OPA3: variants seen among roughly 807,000 people sequenced by gnomAD.
The protein encoded by OPA3 is optic atrophy 3 protein.
A neutral mutation model predicts 4.0 loss-of-function variants in OPA3; 6 were observed. The observed-to-expected ratio is 1.51, with a 90% CI of 0.83 to 2.99. The LOEUF is 2.99. Among genes scored for constraint, OPA3 ranks in the 30% most tolerant of loss-of-function variants. The pLI, the probability that OPA3 is intolerant of heterozygous loss-of-function variation, is 0.00. For synonymous variants in OPA3, 105 were observed against 117.1 expected (o/e 0.90, Z 0.67); for missense variants, 235 against 256.2 (o/e 0.92, Z 0.56).
chr19:45,545,691 A>G (rs1208389073), downstream of OPA3, among the ~76,000 whole-genome samples: 2 of 150,062 alleles, frequency 1.3e-5, no homozygotes, highest in Non-Finnish European at 3.0e-5. Flanking sequence ...TAATACATAC[A>G]TCATATGTAC....
intron 1 of OPA3, among the ~76,000 whole-genome samples, chr19:45,531,420 C>G (rs1312927047): frequency 6.6e-6 from 1 of 152,058 alleles, no homozygotes; most frequent in Non-Finnish European, 1.5e-5. Context: ...ACCATGGGAC[C>G]AAGATCATCC....
rs1969274585 is a variant in OPA3 at position 45,547,895 on chromosome 19, C to T, written c.*5619G>A. 1 of 153,576 alleles carries T rather than the reference C, an allele frequency of 6.5e-6. No homozygotes were observed. Among genetic ancestry groups the T allele is most frequent in the Non-Finnish European group, 1.4e-5 (1 of 69,340 alleles). 9.5% of individuals were successfully genotyped at this position (153,576 alleles called of 1,614,324 possible). Reference sequence around the variant, plus strand: ...TATTTTTAGTAGAGATGGGGTTTCTCCATGTCGGTCAGGCTGGTCTCGAAC... The same window carrying T: ...TATTTTTAGTAGAGATGGGGTTTCTTCATGTCGGTCAGGCTGGTCTCGAAC... On this transcript the variant is annotated 3_prime_UTR_variant, in exon 2 of 2. Coordinates refer to ENST00000263275, the MANE Select transcript of OPA3 (RefSeq NM_025136.4).
Position 45,551,643 on chromosome 19 carries a change from T to C in OPA3, c.*1871A>G. 1 of 906,868 alleles carries C rather than the reference T, an allele frequency of 1.1e-6. No homozygotes were observed. The highest frequency in any genetic ancestry group is 5.1e-5 in the South Asian group (1 of 19,766). 56.2% of individuals were successfully genotyped at this position (906,868 alleles called of 1,614,324 possible). A position where few individuals can be genotyped will look rare whatever the true frequency, so the allele number is the denominator to read the frequency against. On this transcript the variant is annotated 3_prime_UTR_variant, in exon 2 of 2. Coordinates refer to ENST00000263275, the MANE Select transcript of OPA3 (RefSeq NM_025136.4). The stretch of plus-strand genomic sequence containing the variant: ...TTAAATTCCTGTTGGACTTAAGCCA[T>C]CAAGTTCACCACCCAATGGTGATCT...
downstream of OPA3, among the ~76,000 whole-genome samples, chr19:45,542,655 C>T (rs929419729): frequency 7.3e-6 from 1 of 137,416 alleles, no homozygotes; most frequent in African/African-American, 2.7e-5. Flanking sequence ...CAGTACTTCA[C>T]TGTTTTTTTG....
At chr19:45,571,206 C>T (rs896959682) in intron 1 of OPA3, among the ~76,000 whole-genome samples, 2 of 151,912 alleles carry the variant, frequency 1.3e-5, no homozygotes, top group South Asian at 2.1e-4. Flanking sequence ...TGCAATGGTG[C>T]GATCTTGGCA....
At chr19:45,578,758 C>A (rs965813241) in intron 1 of OPA3, among the ~76,000 whole-genome samples, 1 of 152,102 alleles carries the variant, frequency 6.6e-6, no homozygotes, top group Non-Finnish European at 1.5e-5. Context: ...ACCCGGGAGG[C>A]GGAAGTTGTG....
chr19:45,567,802 T>C (rs1254786736), intron 1 of OPA3, among the ~76,000 whole-genome samples: 2 of 152,186 alleles, frequency 1.3e-5, no homozygotes, highest in African/African-American at 2.4e-5. Context: ...TCCTCACTCA[T>C]AAAACCAGGA....
chr19:45,576,791 A>T (rs1969775845), intron 1 of OPA3, among the ~76,000 whole-genome samples: 2 of 152,104 alleles, frequency 1.3e-5, no homozygotes, highest in South Asian at 4.1e-4. Flanking sequence ...GATCACACTG[A>T]CCTGACCTGC....
chr19:45,558,703 T>C (rs1467224478), intron 1 of OPA3, among the ~76,000 whole-genome samples: 3 of 152,060 alleles, frequency 2.0e-5, no homozygotes, highest in Non-Finnish European at 2.9e-5. Flanking sequence ...ATGCAGTTTT[T>C]ATTATTCTAT....
In OPA3 at chr19:45,584,695, C is replaced by G; in HGVS notation, c.70G>C (p.Ala24Pro). ...CGGGCGGCCTCCTTAATACGGTTGGCAAGCGGCTTGCTGACCTGCCGGATG... is the reference window on the plus strand; with the variant it reads ...CGGGCGGCCTCCTTAATACGGTTGGGAAGCGGCTTGCTGACCTGCCGGATG... ...LGIRQVSKPL[A>P]NRIKEAARRS... is the part of the protein sequence containing the mutation. The change falls in exon 1 of 2, where the codon GCC becomes CCC. Residue 24 changes from alanine (A) to proline (P), a missense_variant. Ala to Pro is a conservative substitution (Grantham distance 27, BLOSUM62 -1). Coordinates refer to ENST00000263275, the MANE Select transcript of OPA3 (RefSeq NM_025136.4). The G allele has an allele frequency of 6.2e-7, 1 of 1,614,192 alleles. No individual in the cohort carries two copies. The highest frequency in any genetic ancestry group is 8.5e-7 in the Non-Finnish European group (1 of 1,180,044).
chr19:45,559,166 G>T (rs1034432223), intron 1 of OPA3, among the ~76,000 whole-genome samples: 1 of 151,846 alleles, frequency 6.6e-6, no homozygotes, highest in Non-Finnish European at 1.5e-5. Flanking sequence ...CTACAGGTGT[G>T]AGCCACCGTG....
Position 45,549,588 on chromosome 19 carries a change from C to T in OPA3, c.*3926G>A. 1 of 820,240 alleles carries T rather than the reference C, an allele frequency of 1.2e-6. No individual in the cohort carries two copies. The highest frequency in any genetic ancestry group is 6.2e-4 in the Middle Eastern group (1 of 1,612). The allele number at this position is 820,240 out of a possible 1,614,324, so 50.8% of individuals were successfully genotyped here. On this transcript the variant is annotated 3_prime_UTR_variant, in exon 2 of 2. Transcript: ENST00000263275. ...CTCCACCTCCTGGGTTCAAGCAATT[C>T]TCGTGCCTCAGCCTCCCGAGTAGCT...
chr19:45,577,951 T>A (rs1262911262), intron 1 of OPA3, among the ~76,000 whole-genome samples: 4 of 152,172 alleles, frequency 2.6e-5, no homozygotes, highest in Non-Finnish European at 2.9e-5. Context: ...GGGCAGAGAG[T>A]AAATATTTTA....
In OPA3 at chr19:45,550,649, A is replaced by T; in HGVS notation, c.*2865T>A. The T allele has an allele frequency of 1.0e-6, 1 of 985,934 alleles. No individual in the cohort carries two copies. Among genetic ancestry groups the T allele is most frequent in the Non-Finnish European group, 1.2e-6 (1 of 830,336 alleles). The allele number at this position is 985,934 out of a possible 1,614,324, so 61.1% of individuals were successfully genotyped here. The stretch of plus-strand genomic sequence containing the variant: ...GCTTACCCCTGGCCTTAGTTTCCCC[A>T]GCTCATAGGGTGACTCTTGGGCCTC... On this transcript the variant is annotated 3_prime_UTR_variant, in exon 2 of 2. Coordinates refer to ENST00000263275, the MANE Select transcript of OPA3 (RefSeq NM_025136.4).
chr19:45,562,915 C>T (rs1441674401), intron 1 of OPA3, among the ~76,000 whole-genome samples: 1 of 152,108 alleles, frequency 6.6e-6, no homozygotes, highest in East Asian at 1.9e-4. Flanking sequence ...ACTCTCTGTA[C>T]TTTTATTGTA....
intron 1 of OPA3, among the ~76,000 whole-genome samples, chr19:45,557,921 A>G (rs1417436779): frequency 6.6e-6 from 1 of 152,170 alleles, no homozygotes; most frequent in African/African-American, 2.4e-5. Context: ...GATGCTCATT[A>G]GATCTAAGCT....
At position 45,549,792 on chromosome 19, in the gene OPA3, C is replaced by T. The variant is rs73568973; in HGVS notation, c.*3722G>A. 0.028 allele frequency: 27,547 copies of T among 985,236 alleles called. 2,127 individuals are homozygous for T. Among genetic ancestry groups the T allele is most frequent in the African/African-American group, 0.26 (14,996 of 57,178 alleles). 61.0% of individuals were successfully genotyped at this position (985,236 alleles called of 1,614,324 possible). A position where few individuals can be genotyped will look rare whatever the true frequency, so the allele number is the denominator to read the frequency against. On this transcript the variant is annotated 3_prime_UTR_variant, in exon 2 of 2. Coordinates refer to ENST00000263275, the MANE Select transcript of OPA3 (RefSeq NM_025136.4). Reference sequence around the variant, plus strand: ...GGCCTGGGTCACTCCCAGTTTTAAACACAGCCCACTCAGGACCCACTCGGT... The same window carrying T: ...GGCCTGGGTCACTCCCAGTTTTAAATACAGCCCACTCAGGACCCACTCGGT...
At chr19:45,560,210 G>T (rs1199999629) in intron 1 of OPA3, among the ~76,000 whole-genome samples, 1 of 151,536 alleles carries the variant, frequency 6.6e-6, no homozygotes, top group Admixed American at 6.6e-5. Flanking sequence ...CCATACCGGA[G>T]AATCCCAACT....
intron 1 of OPA3, among the ~76,000 whole-genome samples, chr19:45,579,986 TTTCTTTTTTTTTTTC>T (rs1311502303): frequency 7.8e-6 from 1 of 127,848 alleles, no homozygotes; most frequent in African/African-American, 4.6e-5. Flanking sequence ...AGCCATTTTC[TTTCTTTTTTTTTTTC>T]TTTTTTTTTT....
Sources: gnomAD v4.1 joint callset for allele counts (sites outside exome capture counted in the v4.1 genomes callset) on GRCh38, gnomAD v4.1.1 for gene constraint, MANE v1.5 for transcripts, NCBI Gene and HGNC (gene_info 2026-07-23, HGNC 2026-07-21) for gene names.